Variants in CEP89 observed in about 807,000 individuals in gnomAD.
CEP89 encodes centrosomal protein of 89 kDa.
A neutral mutation model predicts 97.6 loss-of-function variants in CEP89; 95 were observed. The ratio of observed to expected loss-of-function variants is 0.97; its 90% CI spans 0.82 to 1.15. The LOEUF is 1.15. Among genes scored for constraint, CEP89 ranks in the 50% most tolerant of loss-of-function variants. CEP89 has a pLI of 0.00. For missense variants in CEP89, 869 were observed against 947.7 expected (o/e 0.92, Z 1.09); for synonymous variants, 354 against 349.1 (o/e 1.01, Z -0.16).
intron 16 of CEP89, among the ~76,000 whole-genome samples, chr19:32,892,202 C>CATAT (rs71336973): frequency 0.024 from 2,729 of 114,422 alleles, 85 homozygotes; most frequent in East Asian, 0.058. Flanking sequence ...TATATTTAGA[C>CATAT]ATATATATAT....
At chr19:32,930,258 C>T (rs1001409110) in intron 9 of CEP89, among the ~76,000 whole-genome samples, 1 of 152,004 alleles carries the variant, frequency 6.6e-6, no homozygotes, top group Non-Finnish European at 1.5e-5. Flanking sequence ...AAACGCCTGA[C>T]TTCAACTGAT....
intron 6 of CEP89, among the ~76,000 whole-genome samples, 190 bp downstream of exon 6, chr19:32,939,666 AC>A (rs1424394813): frequency 5.1e-5 from 7 of 137,028 alleles, no homozygotes; most frequent in African/African-American, 8.1e-5. Flanking sequence ...TGACAGTGAG[AC>A]CCCCTTCTCA....
intron 16 of CEP89, among the ~76,000 whole-genome samples, chr19:32,895,299 GC>G (rs1278111590): frequency 6.6e-6 from 1 of 152,124 alleles, no homozygotes; most frequent in Non-Finnish European, 1.5e-5. Flanking sequence ...ATCAAGAGAT[GC>G]AAAGACAGTT....
chr19:32,960,086 A>G lies in CEP89; in HGVS notation c.147-28T>C, dbSNP rs77609664. The G allele has an allele frequency of 1.3e-3, 2,068 of 1,613,122 alleles. 18 individuals carry two copies. In the East Asian group the frequency reaches 0.022, roughly 17 times the overall value. On this transcript the variant is annotated intron_variant, in intron 2 of 18. Transcript: ENST00000305768. ...GCGGACAAAAACATCCCATGGAGAC[A>G]GTGAGACATGAACATTCCAGGTGAA...
At chr19:32,912,774 G>C (rs1167891872) in intron 14 of CEP89, among the ~76,000 whole-genome samples, 1 of 151,992 alleles carries the variant, frequency 6.6e-6, no homozygotes, top group African/African-American at 2.4e-5. Context: ...CGGGCGCGGT[G>C]GCTCATGCCT....
At chr19:32,952,918 A>AAAG (rs1568577626) in intron 4 of CEP89, among the ~76,000 whole-genome samples, 9 of 138,138 alleles carry the variant, frequency 6.5e-5, no homozygotes, top group Admixed American at 1.6e-4. Context: ...AAAAAAAAAA[A>AAAG]AAAAAAGAAA....
At chr19:32,921,686 C>T (rs907243028) in intron 12 of CEP89, among the ~76,000 whole-genome samples, 2 of 152,180 alleles carry the variant, frequency 1.3e-5, no homozygotes, top group African/African-American at 4.8e-5. Context: ...TCTTGAGCCC[C>T]AGCCTGGCTA....
intron 17 of CEP89, among the ~76,000 whole-genome samples, chr19:32,884,248 C>T (rs544463261): frequency 3.4e-4 from 51 of 152,212 alleles, no homozygotes; most frequent in African/African-American, 1.2e-3. Context: ...GTTAAGATTT[C>T]GACCTTTACT....
chr19:32,915,300 G>GAAAA, intron 14 of CEP89, 37 bp downstream of exon 14: 13 of 1,221,728 alleles, frequency 1.1e-5, no homozygotes, highest in South Asian at 4.4e-5. Context: ...CTCGAAAAAA[G>GAAAA]AAAAAAAAAA....
At chr19:32,942,165 T>C (rs1360649809) in intron 5 of CEP89, among the ~76,000 whole-genome samples, 6 of 152,160 alleles carry the variant, frequency 3.9e-5, no homozygotes, top group Non-Finnish European at 8.8e-5. Context: ...GTAGATCGGT[T>C]GAGCCCGGGA....
intron 14 of CEP89, 114 bp from the exon 15 acceptor site, chr19:32,901,526 T>C: frequency 1.9e-6 from 2 of 1,044,110 alleles, no homozygotes; most frequent in Non-Finnish European, 2.8e-6. Context: ...CCTGGGTGGG[T>C]CACTTGGAAT....
rs199767564 is a variant in CEP89, at chr19:32,881,590, A to AG, written c.2135+253dup. ...AAATATCAGTGAGATGGAAGGCAGCAGAAAAAAAGAGAAAGGCAATTAGAG... is the reference window on the plus strand; with the variant it reads ...AAATATCAGTGAGATGGAAGGCAGCAGGAAAAAAAGAGAAAGGCAATTAGAG... On this transcript the variant is annotated intron_variant, in intron 18 of 18. Coordinates refer to ENST00000305768, the MANE Select transcript of CEP89 (RefSeq NM_032816.5). Among the ~76,000 whole-genome samples, 1,133 of 152,316 alleles carry AG rather than the reference A, an allele frequency of 7.4e-3. 18 individuals carry two copies. Among genetic ancestry groups the AG allele is most frequent in the African/African-American group, 0.026 (1,092 of 41,574 alleles).
intron 15 of CEP89, among the ~76,000 whole-genome samples, chr19:32,900,939 G>A (rs1292545559): frequency 3.4e-5 from 5 of 146,072 alleles, no homozygotes; most frequent in Admixed American, 2.1e-4. Flanking sequence ...AGGCTGGAGT[G>A]CAGTGGCGTG....
chr19:32,913,639 CT>C (rs71301617), intron 14 of CEP89, among the ~76,000 whole-genome samples: 146 of 138,188 alleles, frequency 1.1e-3, no homozygotes, highest in African/African-American at 1.4e-3. Flanking sequence ...TACACACACA[CT>C]TTTTTTTTTT....
chr19:32,958,487 C>T (rs955084631), intron 3 of CEP89, among the ~76,000 whole-genome samples: 3 of 151,264 alleles, frequency 2.0e-5, no homozygotes, highest in East Asian at 3.9e-4. Context: ...GATTACAGAC[C>T]GGCCAACATG....
At chr19:32,956,049 C>CTTTTTTTTTT (rs202179963) in intron 3 of CEP89, among the ~76,000 whole-genome samples, 13 of 105,762 alleles carry the variant, frequency 1.2e-4, no homozygotes, top group African/African-American at 2.2e-4. Context: ...CAATTTGGTT[C>CTTTTTTTTTT]TTTTTTTTTT....
rs1449340980 is a variant in CEP89, at chr19:32,893,708, A to T, written c.1876-5867T>A. On this transcript the variant is annotated intron_variant, in intron 16 of 18. Transcript: ENST00000305768. ...CCATGGTAGACTAAAACTAGAAAGC[A>T]ATAACAAGAGGAACTTTGGAAACTG... is the stretch of plus-strand genomic sequence containing the variant. 2.0e-5 allele frequency among the ~76,000 whole-genome samples: 3 copies of T among 152,246 alleles called. No individual in the cohort carries two copies. In the South Asian group the frequency reaches 6.2e-4, roughly 32 times the overall value.
At chr19:32,960,196 C>T (rs1201497839) in intron 2 of CEP89, 138 bp from the exon 3 acceptor site, 5 of 786,476 alleles carry the variant, frequency 6.4e-6, no homozygotes, top group Non-Finnish European at 1.0e-5. Flanking sequence ...CCATCATCTA[C>T]CGCAGGCCAT....
intron 2 of CEP89, 84 bp from the exon 3 acceptor site, chr19:32,960,142 C>T (rs1260918154): frequency 8.3e-6 from 12 of 1,439,388 alleles, no homozygotes; most frequent in Admixed American, 1.9e-5. Context: ...CTCATCAAGG[C>T]TTACCTTCTG....
Sources: gnomAD v4.1 joint callset for allele counts (sites outside exome capture counted in the v4.1 genomes callset) on GRCh38, gnomAD v4.1.1 for gene constraint, MANE v1.5 for transcripts, NCBI Gene and HGNC (gene_info 2026-07-23, HGNC 2026-07-21) for gene names.